The following NUP93 variants were observed in gnomAD, a reference collection of about 807,000 sequenced individuals.
NUP93 encodes the protein nuclear pore complex protein Nup93.
Under a neutral mutation model 107.8 loss-of-function variants are expected in NUP93, and 55 were observed. The ratio of observed to expected loss-of-function variants is 0.51; its 90% CI spans 0.41 to 0.64. The LOEUF is 0.64. Ranked by LOEUF, NUP93 falls within the 30% of genes least tolerant of loss-of-function variation. The pLI, the probability that NUP93 is intolerant of heterozygous loss-of-function variation, is 0.00. For synonymous variants in NUP93, 390 were observed against 397.5 expected, an observed-to-expected ratio of 0.98 and a Z score of 0.22; for missense variants, 937 against 1,044.7, an observed-to-expected ratio of 0.90 and a Z score of 1.42.
intron 1 of NUP93, among the ~76,000 whole-genome samples, chr16:56,731,314 C>T (rs8049693): frequency 0.38 from 57,096 of 151,870 alleles, 11,765 homozygotes; most frequent in East Asian, 0.54. Context: ...CCTGTTGCCT[C>T]TTTTTTCTCA....
At position 56,768,666 on chromosome 16, in the gene NUP93, A is replaced by G. The variant is rs569757923; in HGVS notation, c.297+10011A>G. Among the ~76,000 whole-genome samples, 133 of 151,416 alleles carry G rather than the reference A, an allele frequency of 8.8e-4. 4 individuals are homozygous for G. In the South Asian group the frequency reaches 0.027, roughly 31 times the overall value. On this transcript the variant is annotated intron_variant, in intron 3 of 21. Coordinates refer to ENST00000308159, the MANE Select transcript of NUP93 (RefSeq NM_014669.5). ...CGGATCACAAGGTCAGGAGATCGAG[A>G]CCATCCTGGCTAACACGGTGAAACC...
At chr16:56,841,405 T>C (rs1313363812) in intron 20 of NUP93, among the ~76,000 whole-genome samples, 1 of 152,248 alleles carries the variant, frequency 6.6e-6, no homozygotes, top group African/African-American at 2.4e-5. Flanking sequence ...CTGGCCAGTC[T>C]AAGCCTAATG....
Position 56,844,486 on chromosome 16 carries a change from C to A in NUP93, c.2350-13C>A. 1 of 1,416,512 alleles carries A rather than the reference C, an allele frequency of 7.1e-7. No homozygotes were observed. The highest frequency in any genetic ancestry group is 9.4e-7 in the Non-Finnish European group (1 of 1,068,000). The allele number at this position is 1,416,512 out of a possible 1,614,324, so 87.7% of individuals were successfully genotyped here. On this transcript the variant is annotated splice_polypyrimidine_tract_variant and intron_variant, in intron 21 of 21. Coordinates refer to ENST00000308159, the MANE Select transcript of NUP93 (RefSeq NM_014669.5). ...TTAACCGATTTCCTTCCCTTCCTTCCCTTCTCTCTCAGCAACTCCGAAGTC... is the reference window on the plus strand; with the variant it reads ...TTAACCGATTTCCTTCCCTTCCTTCACTTCTCTCTCAGCAACTCCGAAGTC...
rs1485238251 is a variant in NUP93, at chr16:56,837,646, G to C, written c.1938G>C (p.Leu646=). The change falls in exon 18 of 22, where the codon CTG becomes CTC. Residue 646 remains leucine (L), a synonymous_variant. Coordinates refer to ENST00000308159, the MANE Select transcript of NUP93 (RefSeq NM_014669.5). The part of the protein sequence containing the change: ...DKVLELMNKL[L]SPVVPQISAP... ...TACTGGAGCTGATGAACAAACTGCT[G>C]AGCCCTGTCGTCCCCCAGATCAGTG... 1.2e-6 allele frequency: 2 copies of C among 1,614,180 alleles called. No individual in the cohort carries two copies. Among genetic ancestry groups the C allele is most frequent in the Non-Finnish European group, 1.7e-6 (2 of 1,180,014 alleles).
intron 1 of NUP93, among the ~76,000 whole-genome samples, chr16:56,744,572 T>C (rs1168492208): frequency 1.3e-5 from 2 of 152,230 alleles, no homozygotes; most frequent in African/African-American, 2.4e-5. Flanking sequence ...TTCCCAAATA[T>C]AGTATTTCAT....
At chr16:56,803,747 AATATAT>A (rs71149699) in intron 4 of NUP93, among the ~76,000 whole-genome samples, 12 of 149,522 alleles carry the variant, frequency 8.0e-5, no homozygotes, top group South Asian at 4.3e-4. Flanking sequence ...AACAGGGAAA[AATATAT>A]ATATATATAT....
At chr16:56,828,160 C>T (rs542786329) in intron 8 of NUP93, among the ~76,000 whole-genome samples, 1 of 149,084 alleles carries the variant, frequency 6.7e-6, no homozygotes, top group African/African-American at 2.5e-5. Context: ...GGCACTGCAT[C>T]CCAGCCTGGG....
At chr16:56,826,298 G>A (rs1296775044) in intron 8 of NUP93, among the ~76,000 whole-genome samples, 1 of 152,164 alleles carries the variant, frequency 6.6e-6, no homozygotes, top group South Asian at 2.1e-4. Flanking sequence ...GATCACCTGA[G>A]GTCAGGAGTT....
chr16:56,737,877 T>A (rs1961638633), intron 1 of NUP93, among the ~76,000 whole-genome samples: 1 of 152,246 alleles, frequency 6.6e-6, no homozygotes, highest in Admixed American at 6.5e-5. Context: ...ACCAAAAATG[T>A]CTCTAGCTAT....
chr16:56,786,790 A>C (rs1315573579), intron 3 of NUP93, among the ~76,000 whole-genome samples: 1 of 152,132 alleles, frequency 6.6e-6, no homozygotes, highest in Non-Finnish European at 1.5e-5. Context: ...GTGGGTCACG[A>C]CCTTTTTAAC....
intron 3 of NUP93, among the ~76,000 whole-genome samples, chr16:56,774,882 G>GT (rs1370556067): frequency 1.7e-4 from 25 of 150,098 alleles, no homozygotes; most frequent in East Asian, 3.9e-4. Context: ...CCAGATTAAG[G>GT]TTTTTTTTGT....
intron 2 of NUP93, among the ~76,000 whole-genome samples, chr16:56,754,767 T>G (rs1313506232): frequency 6.6e-6 from 1 of 152,228 alleles, no homozygotes; most frequent in African/African-American, 2.4e-5. Context: ...GGGGACTCTT[T>G]GTGGGGTCTG....
chr16:56,751,211 C>G (rs73555563), intron 2 of NUP93, among the ~76,000 whole-genome samples: 1 of 151,964 alleles, frequency 6.6e-6, no homozygotes, highest in African/African-American at 2.4e-5. Flanking sequence ...CTCTTTCTCC[C>G]TAACTTTGTC....
chr16:56,817,887 G>A (rs1361738587), intron 5 of NUP93, among the ~76,000 whole-genome samples: 4 of 152,238 alleles, frequency 2.6e-5, no homozygotes, highest in African/African-American at 4.8e-5. Context: ...AGGCTAAACC[G>A]TCTAGTGTGT....
intron 19 of NUP93, 149 bp from the exon 20 acceptor site, chr16:56,839,372 G>C: frequency 1.9e-6 from 1 of 525,904 alleles, no homozygotes; most frequent in East Asian, 3.5e-5. Flanking sequence ...AAGTTAGCTA[G>C]TTAGAATCAA....
At chr16:56,762,045 T>C (rs1462589228) in intron 3 of NUP93, among the ~76,000 whole-genome samples, 1 of 152,178 alleles carries the variant, frequency 6.6e-6, no homozygotes, top group Non-Finnish European at 1.5e-5. Context: ...ATTTGTGTAA[T>C]AGAGGTGAAG....
intron 9 of NUP93, among the ~76,000 whole-genome samples, chr16:56,829,763 G>A (rs1415862380): frequency 1.3e-5 from 2 of 152,206 alleles, no homozygotes; most frequent in Non-Finnish European, 2.9e-5. Flanking sequence ...GGGCCCACTA[G>A]TGAAGGCCTT....
intron 3 of NUP93, chr16:56,781,764 C>G: frequency 1.1e-6 from 1 of 929,714 alleles, no homozygotes; most frequent in Non-Finnish European, 1.3e-6. Flanking sequence ...TTGTCTCTCC[C>G]CCTCTTAAAT....
At chr16:56,801,619 G>T (rs1963023177) in intron 4 of NUP93, among the ~76,000 whole-genome samples, 1 of 152,102 alleles carries the variant, frequency 6.6e-6, no homozygotes, top group Admixed American at 6.6e-5. Flanking sequence ...CACCATGTTG[G>T]CCAGGCTGGT....
Sources: allele counts gnomAD v4.1 joint callset (sites outside exome capture counted in the v4.1 genomes callset), GRCh38; gene constraint gnomAD v4.1.1; transcripts MANE v1.5; gene names NCBI Gene and HGNC (gene_info 2026-07-23, HGNC 2026-07-21).